STIL: variants seen among roughly 807,000 people sequenced by gnomAD.
STIL encodes the protein STIL centriolar assembly protein.
In STIL, 55 loss-of-function variants were observed where a neutral mutation model predicts 110.1. The observed-to-expected ratio is 0.50, with a 90% CI of 0.40 to 0.63. The LOEUF is 0.63. STIL is among the 20% of genes least tolerant of loss of function. STIL has a pLI of 0.00. For missense variants in STIL, 1,358 were observed against 1,530.0 expected, an observed-to-expected ratio of 0.89 and a Z score of 1.87; for synonymous variants, 481 against 530.0, an observed-to-expected ratio of 0.91 and a Z score of 1.27.
intron 16 of STIL, among the ~76,000 whole-genome samples, chr1:47,258,022 C>A (rs565173896): frequency 2.0e-5 from 3 of 152,122 alleles, no homozygotes; most frequent in East Asian, 3.8e-4. Flanking sequence ...ATCATTTTAC[C>A]TTAGTCTTTC....
chr1:47,300,521 T>C (rs1202362861), intron 5 of STIL, among the ~76,000 whole-genome samples: 1 of 151,712 alleles, frequency 6.6e-6, no homozygotes, highest in Non-Finnish European at 1.5e-5. Context: ...CAGGCTGGAG[T>C]GCAGTGGTGC....
At chr1:47,297,036 A>G (rs1470923148) in intron 6 of STIL, among the ~76,000 whole-genome samples, 1 of 151,958 alleles carries the variant, frequency 6.6e-6, no homozygotes, top group Non-Finnish European at 1.5e-5. Context: ...ATAAATTTCT[A>G]CTCCTTAAAA....
intron 15 of STIL, among the ~76,000 whole-genome samples, chr1:47,262,615 A>T (rs1570045042): frequency 1.3e-5 from 2 of 152,110 alleles, no homozygotes; most frequent in Admixed American, 6.6e-5. Context: ...TTTCCGAGAA[A>T]CTCTTGCTTA....
intron 4 of STIL, 122 bp from the exon 5 acceptor site, chr1:47,301,870 A>C: frequency 1.2e-6 from 1 of 858,916 alleles, no homozygotes; most frequent in Non-Finnish European, 1.9e-6. Context: ...ACTCTTAAAT[A>C]CTAAACTAAA....
chr1:47,276,828 A>C (rs1437585009), intron 12 of STIL, among the ~76,000 whole-genome samples: 2 of 151,454 alleles, frequency 1.3e-5, no homozygotes, highest in East Asian at 1.9e-4. Flanking sequence ...AAAAAAAAAA[A>C]AAAAAAAAAA....
intron 2 of STIL, among the ~76,000 whole-genome samples, chr1:47,305,543 C>T (rs1381653336): frequency 1.3e-5 from 2 of 151,780 alleles, no homozygotes; most frequent in African/African-American, 4.8e-5. Flanking sequence ...ATTCTCCAGC[C>T]TTAGCCTCCC....
chr1:47,267,575 C>A (rs764893006), intron 14 of STIL, among the ~76,000 whole-genome samples: 7 of 151,224 alleles, frequency 4.6e-5, no homozygotes, highest in South Asian at 2.1e-4. Context: ...TGTGGTGGCC[C>A]GTGCCTGTAG....
rs145849558 is a variant in STIL at position 47,262,195 on chromosome 1, T to C, written c.2829+708A>G. On this transcript the variant is annotated intron_variant, in intron 15 of 16. Transcript: ENST00000371877. ...CAAATAACAAATATGTGTTCATTGA[T>C]GAATACATAGGGCCCTGTGAAGTAT... is the stretch of plus-strand genomic sequence containing the variant. Among the ~76,000 whole-genome samples, 19 of 152,322 alleles carry C rather than the reference T, an allele frequency of 1.2e-4. No homozygotes were observed. In the East Asian group the frequency reaches 3.7e-3, roughly 29 times the overall value.
chr1:47,267,636 G>A (rs1206458267), intron 14 of STIL, among the ~76,000 whole-genome samples: 7 of 139,242 alleles, frequency 5.0e-5, no homozygotes, highest in African/African-American at 1.6e-4. Flanking sequence ...TCACGCCACC[G>A]TACTCCAGCC....
intron 13 of STIL, among the ~76,000 whole-genome samples, chr1:47,270,073 CA>C (rs965164263): frequency 4.6e-5 from 7 of 150,964 alleles, no homozygotes; most frequent in African/African-American, 1.5e-4. Flanking sequence ...CCTGTCTCTA[CA>C]AAAAAAATAC....
chr1:47,270,034 C>A (rs1006178687), intron 13 of STIL, among the ~76,000 whole-genome samples, 168 bp from the exon 14 acceptor site: 1 of 151,776 alleles, frequency 6.6e-6, no homozygotes, highest in Admixed American at 6.6e-5. Context: ...CTCAGGAGTT[C>A]GAGACCAGCC....
At chr1:47,296,876 A>G (rs1460598253) in intron 6 of STIL, among the ~76,000 whole-genome samples, 1 of 152,248 alleles carries the variant, frequency 6.6e-6, no homozygotes, top group Non-Finnish European at 1.5e-5. Context: ...CACTGATGAT[A>G]TATTTTATTG....
chr1:47,287,828 G>C (rs2149048901), intron 9 of STIL, among the ~76,000 whole-genome samples, 168 bp from the exon 10 acceptor site: 1 of 152,082 alleles, frequency 6.6e-6, no homozygotes, highest in Middle Eastern at 3.4e-3. Flanking sequence ...AAGTGAAAAA[G>C]TTAATCACTT....
chr1:47,299,814 T>A, intron 6 of STIL, 91 bp downstream of exon 6: 1 of 1,363,502 alleles, frequency 7.3e-7, no homozygotes, highest in Non-Finnish European at 1.0e-6. Flanking sequence ...CTCTGGCATA[T>A]AAATTGACTG....
At chr1:47,268,789 A>T (rs4375315) in intron 14 of STIL, among the ~76,000 whole-genome samples, 41,053 of 127,462 alleles carry the variant, frequency 0.32, 6,966 homozygotes, top group African/African-American at 0.53. Flanking sequence ...ATAAATAAAT[A>T]AATTAAATAA....
chr1:47,280,156 A>C, intron 12 of STIL, 85 bp downstream of exon 12: 1 of 1,566,658 alleles, frequency 6.4e-7, no homozygotes, highest in Non-Finnish European at 8.8e-7. Context: ...TACTTCTATA[A>C]AACATCATTA....
At chr1:47,285,607 A>G (rs1353369125) in intron 10 of STIL, among the ~76,000 whole-genome samples, 1 of 150,290 alleles carries the variant, frequency 6.7e-6, no homozygotes, top group Non-Finnish European at 1.5e-5. Context: ...ACAGGCATGC[A>G]CCACCAGGCC....
At chr1:47,312,740 T>C (rs978984838) in intron 1 of STIL, among the ~76,000 whole-genome samples, 5 of 152,220 alleles carry the variant, frequency 3.3e-5, no homozygotes, top group Admixed American at 6.5e-5. Flanking sequence ...TAAAACAATA[T>C]ACATAAGGTA....
At position 47,258,992 on chromosome 1, in the gene STIL, C is replaced by CTTTTTTTTTTTTTTTTTTTTTT. The variant is rs549227243; in HGVS notation, c.3080+1296_3080+1297insAAAAAAAAAAAAAAAAAAAAAA. Among the ~76,000 whole-genome samples the CTTTTTTTTTTTTTTTTTTTTTT allele has an allele frequency of 1.8e-4, 17 of 94,400 alleles. 5 individuals are homozygous for CTTTTTTTTTTTTTTTTTTTTTT. Among genetic ancestry groups the CTTTTTTTTTTTTTTTTTTTTTT allele is most frequent in the South Asian group, 7.2e-4 (2 of 2,776 alleles). 61.9% of individuals were successfully genotyped at this position (94,400 alleles called of 152,430 possible). ...GAAATGGTTAAGAGAAGTAACTTTG[C>CTTTTTTTTTTTTTTTTTTTTTT]TTTTTTTTTTTTTTGAGACAGTCTT... On this transcript the variant is annotated intron_variant, in intron 16 of 16. Transcript: ENST00000371877.
Sources: gnomAD v4.1 joint callset for allele counts (sites outside exome capture counted in the v4.1 genomes callset) on GRCh38, gnomAD v4.1.1 for gene constraint, MANE v1.5 for transcripts, NCBI Gene and HGNC (gene_info 2026-07-23, HGNC 2026-07-21) for gene names.